TENM2: variants seen among roughly 807,000 people sequenced by gnomAD.
TENM2 encodes teneurin-2.
A neutral mutation model predicts 245.2 loss-of-function variants in TENM2; 52 were observed. The ratio of observed to expected loss-of-function variants is 0.21; its 90% CI spans 0.17 to 0.27. TENM2 has a LOEUF of 0.27. TENM2 is among the 10% of genes least tolerant of loss of function. TENM2 has a pLI of 1.00. For synonymous variants in TENM2, 1,363 were observed against 1,438.9 expected, an observed-to-expected ratio of 0.95 and a Z score of 1.19; for missense variants, 3,046 against 3,666.8, an observed-to-expected ratio of 0.83 and a Z score of 4.37.
chr5:167,490,367 A>G (rs772630689), intron 2 of TENM2, among the ~76,000 whole-genome samples: 4 of 151,464 alleles, frequency 2.6e-5, no homozygotes, highest in African/African-American at 7.3e-5. Context: ...CATTTCTCAA[A>G]ACAGAGATAT....
chr5:166,997,723 A>G, the TENM2 span, among the ~76,000 whole-genome samples: 1 of 152,184 alleles, frequency 6.6e-6, no homozygotes, highest in Non-Finnish European at 1.5e-5. Flanking sequence ...GAGAAACAGC[A>G]TCAGGGAAGA....
In TENM2 at chr5:167,384,064, C is replaced by T. The variant is rs573861784; in HGVS notation, c.502+8591C>T. On this transcript the variant is annotated intron_variant, in intron 2 of 28. Coordinates refer to ENST00000518659, the Ensembl canonical transcript of TENM2. ...TGGTTGTCTTTGTATTGGTAATGAC[C>T]GTATGTGCTAATGATACCTAACTAT... Among the ~76,000 whole-genome samples, 85 of 152,108 alleles carry T rather than the reference C, an allele frequency of 5.6e-4. 2 individuals are homozygous for T. The South Asian group carries it at 0.016, about 29-fold the overall frequency.
At chr5:168,080,236 C>G (rs567341378) in intron 7 of TENM2, among the ~76,000 whole-genome samples, 16 of 152,242 alleles carry the variant, frequency 1.1e-4, no homozygotes, top group African/African-American at 3.4e-4. Flanking sequence ...TTATAGTATT[C>G]TCTGATGGTA....
At chr5:167,698,682 T>TG (rs1393067293) in intron 2 of TENM2, among the ~76,000 whole-genome samples, 1 of 125,768 alleles carries the variant, frequency 8.0e-6, no homozygotes, top group Non-Finnish European at 1.6e-5. Context: ...GTTTTTTGTT[T>TG]TTTTTTTTTT....
chr5:167,666,091 T>C (rs992458149), intron 2 of TENM2, among the ~76,000 whole-genome samples: 6 of 152,222 alleles, frequency 3.9e-5, no homozygotes, highest in African/African-American at 1.4e-4. Flanking sequence ...GGCATTTGCC[T>C]TTAATTTCCT....
At chr5:167,213,352 G>A in the TENM2 span, among the ~76,000 whole-genome samples, 2 of 152,168 alleles carry the variant, frequency 1.3e-5, no homozygotes, top group Non-Finnish European at 2.9e-5. Flanking sequence ...GGTGTCTGGT[G>A]GGGGCTGACA....
intron 5 of TENM2, among the ~76,000 whole-genome samples, chr5:168,037,287 A>C (rs1345408382): frequency 1.3e-5 from 2 of 152,186 alleles, no homozygotes; most frequent in Non-Finnish European, 2.9e-5. Flanking sequence ...CAAATGACCA[A>C]ATTGGAATGA....
exon 8 of TENM2, chr5:168,090,645 C>T (rs1266447409): frequency 1.9e-6 from 3 of 1,613,748 alleles, no homozygotes; most frequent in South Asian, 2.2e-5. Context: ...AACGCCGGAG[C>T]ATACAGACCT....
chr5:167,397,893 A>C (rs4868795), intron 2 of TENM2, among the ~76,000 whole-genome samples: 90,190 of 151,944 alleles, frequency 0.59, 28,040 homozygotes, highest in African/African-American at 0.79. Context: ...TCAAAGATTT[A>C]TATTACTATC....
the TENM2 span, among the ~76,000 whole-genome samples, chr5:167,030,732 A>G: frequency 1.3e-5 from 2 of 152,170 alleles, no homozygotes; most frequent in Non-Finnish European, 2.9e-5. Context: ...TCCTACCAGC[A>G]GGGGGTGGGA....
chr5:167,187,733 C>T, the TENM2 span, among the ~76,000 whole-genome samples: 5 of 152,088 alleles, frequency 3.3e-5, no homozygotes, highest in Admixed American at 3.3e-4. Context: ...GAAAAGTTAG[C>T]AGCAGTGGAT....
the TENM2 span, among the ~76,000 whole-genome samples, chr5:166,985,917 C>T: frequency 1.3e-5 from 2 of 152,128 alleles, no homozygotes; most frequent in African/African-American, 4.8e-5. Context: ...GTTTTCTTAA[C>T]CACCTGATGT....
chr5:167,654,529 A>C (rs73801315), intron 2 of TENM2, among the ~76,000 whole-genome samples: 4,344 of 152,106 alleles, frequency 0.029, 227 homozygotes, highest in African/African-American at 0.099. Flanking sequence ...TTGCATGGGG[A>C]TGGAGATGAT....
chr5:167,317,985 C>G lies in TENM2; in HGVS notation c.226+32922C>G, dbSNP rs576945445. ...ATAGATTAACTTCAGCATCAGAATTCTGAAGGCAGAGAAGCAAAAGTAGCA... is the reference window on the plus strand; with the variant it reads ...ATAGATTAACTTCAGCATCAGAATTGTGAAGGCAGAGAAGCAAAAGTAGCA... On this transcript the variant is annotated intron_variant, in intron 1 of 28. Transcript: ENST00000518659. 2.6e-5 allele frequency among the ~76,000 whole-genome samples: 4 copies of G among 152,316 alleles called. No individual in the cohort carries two copies. The South Asian group carries it at 8.3e-4, about 32-fold the overall frequency.
At chr5:168,195,665 C>T (rs1441658904) in intron 15 of TENM2, among the ~76,000 whole-genome samples, 3 of 149,518 alleles carry the variant, frequency 2.0e-5, no homozygotes, top group African/African-American at 7.4e-5. Flanking sequence ...TAGAAACGAA[C>T]TCCTGTTTTA....
intron 2 of TENM2, among the ~76,000 whole-genome samples, chr5:167,665,724 A>G (rs1400057355): frequency 6.6e-6 from 1 of 152,178 alleles, no homozygotes; most frequent in Non-Finnish European, 1.5e-5. Flanking sequence ...AACAAAAATA[A>G]TGTGGCGTGT....
At chr5:167,767,804 T>C (rs1763133912) in intron 2 of TENM2, among the ~76,000 whole-genome samples, 1 of 152,212 alleles carries the variant, frequency 6.6e-6, no homozygotes, top group African/African-American at 2.4e-5. Context: ...TTGAAGTCTG[T>C]AGACCACACT....
At chr5:168,204,749 G>A (rs1762219671) in intron 19 of TENM2, 128 bp downstream of exon 21, 10 of 1,231,506 alleles carry the variant, frequency 8.1e-6, no homozygotes, top group Non-Finnish European at 1.1e-5. Flanking sequence ...CAAAACCTAG[G>A]CCCAGAATCA....
At chr5:167,053,450 G>T in the TENM2 span, among the ~76,000 whole-genome samples, 1 of 152,158 alleles carries the variant, frequency 6.6e-6, no homozygotes, top group South Asian at 2.1e-4. Flanking sequence ...TGTGCTAATT[G>T]AGTGGTCACA....
Sources: gnomAD v4.1 joint callset for allele counts (sites outside exome capture counted in the v4.1 genomes callset) on GRCh38, gnomAD v4.1.1 for gene constraint, MANE v1.5 for transcripts, NCBI Gene and HGNC (gene_info 2026-07-23, HGNC 2026-07-21) for gene names.